SEPTIN7: variants seen among roughly 807,000 people sequenced by gnomAD.
The protein encoded by SEPTIN7 is septin-7.
In SEPTIN7, 10 loss-of-function variants were observed where a neutral mutation model predicts 63.3. The observed-to-expected ratio is 0.16, with a 90% CI of 0.10 to 0.27. SEPTIN7 has a LOEUF of 0.27. Ranked by LOEUF, SEPTIN7 falls within the 10% of genes least tolerant of loss-of-function variation. SEPTIN7 has a pLI of 1.00. For synonymous variants in SEPTIN7, 131 were observed against 165.3 expected (o/e 0.79, Z 1.59); for missense variants, 310 against 521.0 (o/e 0.59, Z 3.94).
chr7:35,888,196 G>T (rs1250714420), intron 10 of SEPTIN7, among the ~76,000 whole-genome samples: 2 of 152,044 alleles, frequency 1.3e-5, no homozygotes, highest in Non-Finnish European at 2.9e-5. Flanking sequence ...CTGAAACTGT[G>T]GGGAAACTAT....
intron 3 of SEPTIN7, among the ~76,000 whole-genome samples, chr7:35,837,540 T>C (rs1188115192): frequency 6.6e-6 from 1 of 152,168 alleles, no homozygotes; most frequent in Non-Finnish European, 1.5e-5. Flanking sequence ...GAATTGCTGT[T>C]AAGATTGATG....
chr7:35,905,274 A>G lies in SEPTIN7; in HGVS notation c.*981A>G, dbSNP rs1452880423. 2 of 152,626 alleles carry G rather than the reference A, an allele frequency of 1.3e-5. No individual in the cohort carries two copies. The highest frequency in any genetic ancestry group is 4.8e-5 in the African/African-American group (2 of 41,440). The allele number at this position is 152,626 out of a possible 1,614,324, so 9.5% of individuals were successfully genotyped here. A position where few individuals can be genotyped will look rare whatever the true frequency, so the allele number is the denominator to read the frequency against. On this transcript the variant is annotated 3_prime_UTR_variant, in exon 14 of 14. Coordinates refer to ENST00000350320, the MANE Select transcript of SEPTIN7 (RefSeq NM_001788.6). ...TTCTGTATTTTTTGTTTGTATTGTA[A>G]AAAATTCACATAATAAACGATGTTG... is the stretch of plus-strand genomic sequence containing the variant.
intron 11 of SEPTIN7, among the ~76,000 whole-genome samples, chr7:35,891,104 C>T (rs1255884129): frequency 6.6e-6 from 1 of 152,034 alleles, no homozygotes; most frequent in Non-Finnish European, 1.5e-5. Context: ...GCTGGAGTTT[C>T]GTTTTCTTCT....
intron 11 of SEPTIN7, among the ~76,000 whole-genome samples, chr7:35,895,274 T>C (rs1787892425): frequency 6.6e-6 from 1 of 152,166 alleles, no homozygotes; most frequent in Admixed American, 6.5e-5. Context: ...CAATTTTTTG[T>C]TTCGATTTTC....
chr7:35,880,223 CTTTTTTTTTTT>C, intron 7 of SEPTIN7, among the ~76,000 whole-genome samples: 1 of 72,776 alleles, frequency 1.4e-5, no homozygotes, highest in Non-Finnish European at 2.6e-5. Context: ...TTTTTCTTTT[CTTTTTTTTTTT>C]TTTTTTTTTG....
rs891866164 is a variant in SEPTIN7 at position 35,907,094 on chromosome 7, G to T, written c.*2801G>T. 2.0e-4 allele frequency: 30 copies of T among 152,304 alleles called. No homozygotes were observed. The highest frequency in any genetic ancestry group is 7.0e-4 in the African/African-American group (29 of 41,554). 9.4% of individuals were successfully genotyped at this position (152,304 alleles called of 1,614,324 possible). On this transcript the variant is annotated 3_prime_UTR_variant, in exon 14 of 14. Coordinates refer to ENST00000350320, the MANE Select transcript of SEPTIN7 (RefSeq NM_001788.6). Reference sequence around the variant, plus strand: ...AAAATTTGAAAGAGTGAAATAAAAGGTTTACACTTTCCCCAAGCTCCAATG... The same window carrying T: ...AAAATTTGAAAGAGTGAAATAAAAGTTTTACACTTTCCCCAAGCTCCAATG...
intron 10 of SEPTIN7, 44 bp downstream of exon 10, chr7:35,885,923 C>G (rs1254696747): frequency 1.4e-6 from 2 of 1,381,150 alleles, no homozygotes; most frequent in Middle Eastern, 1.8e-4. Context: ...TTTTCTTTCC[C>G]TAAGTAAGAG....
intron 10 of SEPTIN7, among the ~76,000 whole-genome samples, chr7:35,886,884 G>A (rs192646853): frequency 4.5e-4 from 68 of 152,298 alleles, no homozygotes; most frequent in African/African-American, 1.4e-3. Flanking sequence ...TACAATAGAG[G>A]TGAGAGTGAA....
chr7:35,827,321 G>GT (rs35450357), intron 1 of SEPTIN7, among the ~76,000 whole-genome samples: 73,355 of 151,794 alleles, frequency 0.48, 19,415 homozygotes, highest in African/African-American at 0.71. Context: ...TATAAATAAT[G>GT]TTCCTTATCC....
chr7:35,881,230 T>C (rs1479436506), intron 7 of SEPTIN7, among the ~76,000 whole-genome samples: 4 of 151,858 alleles, frequency 2.6e-5, no homozygotes, highest in African/African-American at 9.7e-5. Flanking sequence ...CCCATTCCCA[T>C]TTTTGTTTTG....
At chr7:35,908,372 T>G (rs1788673639), downstream of SEPTIN7, among the ~76,000 whole-genome samples, 1 of 152,168 alleles carries the variant, frequency 6.6e-6, no homozygotes, top group African/African-American at 2.4e-5. Context: ...GCCTGAACAT[T>G]TGCCCCATGG....
chr7:35,886,075 G>C (rs1367085671), intron 10 of SEPTIN7, among the ~76,000 whole-genome samples, 196 bp downstream of exon 10: 3 of 152,304 alleles, frequency 2.0e-5, no homozygotes, highest in East Asian at 3.9e-4. Flanking sequence ...AAAGTAATTT[G>C]TCTAGGGATA....
chr7:35,847,949 CTGA>C (rs1394387974), intron 3 of SEPTIN7: 1 of 152,166 alleles, frequency 6.6e-6, no homozygotes, highest in African/African-American at 2.4e-5. Flanking sequence ...AACATGCTAC[CTGA>C]TGAAGAATAA....
In SEPTIN7 at chr7:35,840,914, C is replaced by A. The variant is rs551801221; in HGVS notation, c.169+8014C>A. Among the ~76,000 whole-genome samples the A allele has an allele frequency of 1.6e-4, 25 of 152,222 alleles. 1 individual carries two copies. The highest frequency in any genetic ancestry group is 5.8e-4 in the African/African-American group (24 of 41,544). ...CCATTATCTTAATCATTTACTAATT[C>A]TTGAGAAAAAATGGTACTTTTTTTC... On this transcript the variant is annotated intron_variant, in intron 3 of 13. Coordinates refer to ENST00000350320, the MANE Select transcript of SEPTIN7 (RefSeq NM_001788.6).
intron 1 of SEPTIN7, among the ~76,000 whole-genome samples, chr7:35,810,914 A>G (rs1191145740): frequency 1.3e-5 from 2 of 151,480 alleles, no homozygotes; most frequent in African/African-American, 4.8e-5. Flanking sequence ...TTACAGGCAC[A>G]TGCCACCACG....
intron 7 of SEPTIN7, among the ~76,000 whole-genome samples, chr7:35,880,725 T>A (rs1351443124): frequency 6.6e-6 from 1 of 152,104 alleles, no homozygotes; most frequent in Non-Finnish European, 1.5e-5. Context: ...ATATTTATAG[T>A]TTAAGTTATT....
intron 1 of SEPTIN7, among the ~76,000 whole-genome samples, chr7:35,810,256 G>T (rs1197314299): frequency 2.6e-5 from 4 of 151,944 alleles, no homozygotes; most frequent in African/African-American, 9.7e-5. Context: ...AAAGTGATTT[G>T]TGTGAAACTT....
Position 35,885,694 on chromosome 7 carries a change from GT to G in SEPTIN7, c.821-132del, listed in dbSNP as rs1201907684. 2.3e-5 allele frequency: 16 copies of G among 699,166 alleles called. No individual in the cohort carries two copies. In the East Asian group the frequency reaches 4.1e-4, roughly 18 times the overall value. The allele number at this position is 699,166 out of a possible 1,614,324, so 43.3% of individuals were successfully genotyped here. On this transcript the variant is annotated intron_variant, in intron 9 of 13. Transcript: ENST00000350320. Reference sequence around the variant, plus strand: ...CTCACATTGAGTGTACTATGTTAGTGTTAAATCTCAAAAAAATTGATCTGTT... The same window carrying G: ...CTCACATTGAGTGTACTATGTTAGTGTAAATCTCAAAAAAATTGATCTGTT...
At chr7:35,808,214 A>T (rs1583481923) in intron 1 of SEPTIN7, among the ~76,000 whole-genome samples, 1 of 138,310 alleles carries the variant, frequency 7.2e-6, no homozygotes, top group Non-Finnish European at 1.6e-5. Context: ...TCTCCTTCTT[A>T]CTTCTACCCC....
Sources: gnomAD v4.1 joint callset for allele counts (sites outside exome capture counted in the v4.1 genomes callset) on GRCh38, gnomAD v4.1.1 for gene constraint, MANE v1.5 for transcripts, NCBI Gene and HGNC (gene_info 2026-07-23, HGNC 2026-07-21) for gene names.